The following SMAP1 variants were observed in gnomAD, a reference collection of about 807,000 sequenced individuals.
SMAP1 encodes stromal membrane-associated protein 1.
Under a neutral mutation model 58.5 loss-of-function variants are expected in SMAP1, and 24 were observed. The ratio of observed to expected loss-of-function variants is 0.41; its 90% CI spans 0.30 to 0.58. The LOEUF is 0.58. Among genes scored for constraint, SMAP1 ranks in the 20% least tolerant of loss-of-function variants. SMAP1 has a pLI of 0.29. For synonymous variants in SMAP1, 216 were observed against 196.6 expected (o/e 1.10, Z -0.82); for missense variants, 563 against 566.3 (o/e 0.99, Z 0.06).
intron 1 of SMAP1, among the ~76,000 whole-genome samples, chr6:70,718,468 G>A (rs1393346212): frequency 6.6e-6 from 1 of 152,120 alleles, no homozygotes; most frequent in Non-Finnish European, 1.5e-5. Flanking sequence ...AGGGCTGAAA[G>A]GAAAAATGAA....
chr6:70,758,258 T>A (rs375590218), intron 3 of SMAP1, among the ~76,000 whole-genome samples: 48 of 151,306 alleles, frequency 3.2e-4, no homozygotes, highest in African/African-American at 1.0e-3. Context: ...TTCTCAGTAA[T>A]CTATCGCAAG....
At chr6:70,782,654 G>A (rs551161993) in intron 4 of SMAP1, among the ~76,000 whole-genome samples, 14 of 152,204 alleles carry the variant, frequency 9.2e-5, no homozygotes, top group African/African-American at 3.1e-4. Context: ...CCTATTTTGG[G>A]ACCTTGTGAT....
chr6:70,807,182 A>C (rs1406663819), intron 6 of SMAP1, among the ~76,000 whole-genome samples: 4 of 152,298 alleles, frequency 2.6e-5, no homozygotes, highest in Non-Finnish European at 4.4e-5. Flanking sequence ...GTTTTCCTTG[A>C]GCAGTCTACT....
intron 4 of SMAP1, among the ~76,000 whole-genome samples, chr6:70,788,577 A>T (rs894350292): frequency 4.6e-5 from 7 of 152,216 alleles, no homozygotes; most frequent in Admixed American, 2.0e-4. Context: ...AGCAGTTTTA[A>T]CTCAAAATTA....
intron 3 of SMAP1, among the ~76,000 whole-genome samples, chr6:70,771,611 G>T (rs371127898): frequency 6.6e-6 from 1 of 152,144 alleles, no homozygotes; most frequent in Admixed American, 6.6e-5. Context: ...GGAAAAGCGC[G>T]GTGTTGGGGT....
intron 1 of SMAP1, among the ~76,000 whole-genome samples, chr6:70,698,972 A>G (rs922750573): frequency 6.6e-6 from 1 of 152,168 alleles, no homozygotes; most frequent in African/African-American, 2.4e-5. Context: ...ATGTCTGGGC[A>G]TTGAAGAGTT....
At chr6:70,769,312 C>T (rs1376662323) in intron 3 of SMAP1, among the ~76,000 whole-genome samples, 1 of 152,098 alleles carries the variant, frequency 6.6e-6, no homozygotes, top group Non-Finnish European at 1.5e-5. Context: ...TCCTTGTTAA[C>T]TTTCTGTCTC....
At position 70,860,181 on chromosome 6, in the gene SMAP1, C is replaced by G. The variant is rs1290403387; in HGVS notation, c.1270-19C>G. ...AGTGAAGTAAGCCTCTTGAACTAAG[C>G]CTTTTATATGTTTCACAGATGAATC... On this transcript the variant is annotated intron_variant, in intron 10 of 10. Coordinates refer to ENST00000370455, the MANE Select transcript of SMAP1 (RefSeq NM_001044305.3). 1 of 1,592,116 alleles carries G rather than the reference C, an allele frequency of 6.3e-7. No homozygotes were observed. Among genetic ancestry groups the G allele is most frequent in the Non-Finnish European group, 8.5e-7 (1 of 1,170,782 alleles).
At chr6:70,761,039 A>G (rs1049803116) in intron 3 of SMAP1, among the ~76,000 whole-genome samples, 4 of 152,028 alleles carry the variant, frequency 2.6e-5, no homozygotes. Flanking sequence ...GAGCTTTTCA[A>G]AGTTTTACTG....
At chr6:70,857,110 A>G in intron 9 of SMAP1, 80 bp downstream of exon 9, 2 of 1,366,404 alleles carry the variant, frequency 1.5e-6, no homozygotes, top group Non-Finnish European at 2.0e-6. Context: ...TCAATTATAT[A>G]TCTTTTATTG....
chr6:70,809,814 G>T (rs1769308745), intron 6 of SMAP1, among the ~76,000 whole-genome samples: 1 of 152,124 alleles, frequency 6.6e-6, no homozygotes, highest in African/African-American at 2.4e-5. Context: ...TACATTTCTA[G>T]CTTAAAGCTA....
intron 6 of SMAP1, among the ~76,000 whole-genome samples, chr6:70,811,925 T>A (rs917151792): frequency 6.6e-6 from 1 of 152,198 alleles, no homozygotes; most frequent in Non-Finnish European, 1.5e-5. Flanking sequence ...GATTTTGATC[T>A]GATAGGTGAG....
intron 2 of SMAP1, among the ~76,000 whole-genome samples, chr6:70,753,264 G>A (rs1048061929): frequency 6.6e-6 from 1 of 152,080 alleles, no homozygotes; most frequent in South Asian, 2.1e-4. Context: ...GGATTGATGA[G>A]ATATAGTATA....
chr6:70,788,757 A>G (rs1478682683), intron 4 of SMAP1, among the ~76,000 whole-genome samples: 1 of 152,172 alleles, frequency 6.6e-6, no homozygotes, highest in Non-Finnish European at 1.5e-5. Flanking sequence ...TAGGGGGATA[A>G]GGTAGAGATG....
intron 2 of SMAP1, among the ~76,000 whole-genome samples, chr6:70,745,001 T>C (rs1264878298): frequency 2.0e-5 from 3 of 152,180 alleles, no homozygotes; most frequent in Admixed American, 2.0e-4. Flanking sequence ...ATATCCTTTG[T>C]CCACTTTTTG....
intron 6 of SMAP1, among the ~76,000 whole-genome samples, chr6:70,819,738 AAC>A (rs1769803656): frequency 1.3e-5 from 2 of 152,328 alleles, no homozygotes; most frequent in South Asian, 2.1e-4. Flanking sequence ...GTCGCATAAG[AAC>A]AGTGTTATTT....
intron 3 of SMAP1, among the ~76,000 whole-genome samples, chr6:70,764,352 G>A (rs183889199): frequency 3.6e-4 from 55 of 152,304 alleles, no homozygotes; most frequent in Admixed American, 3.5e-3. Flanking sequence ...AGACTAAACA[G>A]CCTTCTGTTG....
At chr6:70,700,976 C>T (rs938873496) in intron 1 of SMAP1, among the ~76,000 whole-genome samples, 6 of 152,168 alleles carry the variant, frequency 3.9e-5, no homozygotes, top group African/African-American at 1.2e-4. Context: ...GCCTGGTGCT[C>T]CATTCTCTTG....
At chr6:70,696,086 A>G (rs1007539303) in intron 1 of SMAP1, among the ~76,000 whole-genome samples, 5 of 152,076 alleles carry the variant, frequency 3.3e-5, no homozygotes, top group African/African-American at 4.8e-5. Flanking sequence ...GTAGCCTCTA[A>G]TGATGGTTTG....
Sources: allele counts gnomAD v4.1 joint callset (sites outside exome capture counted in the v4.1 genomes callset), GRCh38; gene constraint gnomAD v4.1.1; transcripts MANE v1.5; gene names NCBI Gene and HGNC (gene_info 2026-07-23, HGNC 2026-07-21).